The following DGKB variants were observed in gnomAD, a reference collection of about 807,000 sequenced individuals.
DGKB encodes 90 kDa diacylglycerol kinase.
DGKB carries 67 observed loss-of-function variants against 114.3 expected under a neutral mutation model. That is an observed-to-expected ratio of 0.59 (90% confidence interval 0.48 to 0.72). The LOEUF (loss-of-function observed/expected upper bound fraction) is 0.72. Among genes scored for constraint, DGKB ranks in the 30% least tolerant of loss-of-function variants. The pLI, the probability that DGKB is intolerant of heterozygous loss-of-function variation, is 0.00. For missense variants in DGKB, 907 were observed against 975.2 expected (o/e 0.93, Z 0.93); for synonymous variants, 398 against 323.1 (o/e 1.23, Z -2.49).
At chr7:14,771,333 TA>T (rs1284757754) in intron 2 of DGKB, among the ~76,000 whole-genome samples, 2 of 152,134 alleles carry the variant, frequency 1.3e-5, no homozygotes, top group Non-Finnish European at 2.9e-5. Context: ...CTGTACCCGG[TA>T]ACAGAAATAA....
At chr7:14,175,160 A>G (rs1033372452) in intron 25 of DGKB, among the ~76,000 whole-genome samples, 2 of 152,226 alleles carry the variant, frequency 1.3e-5, no homozygotes, top group African/African-American at 2.4e-5. Flanking sequence ...TTTTAGTTCC[A>G]TATCTACTTC....
intron 20 of DGKB, among the ~76,000 whole-genome samples, chr7:14,568,201 A>G (rs1797881367): frequency 6.6e-6 from 1 of 152,180 alleles, no homozygotes; most frequent in Admixed American, 6.5e-5. Context: ...TACCTGGTAC[A>G]TAGAAGGTAC....
intron 17 of DGKB, 53 bp from the exon 18 acceptor site, chr7:14,583,190 T>C: frequency 8.6e-7 from 1 of 1,159,908 alleles, no homozygotes; most frequent in Non-Finnish European, 1.2e-6. Context: ...AATAAGATGT[T>C]TTCAGTTTTG....
intron 25 of DGKB, among the ~76,000 whole-genome samples, chr7:14,156,838 C>T (rs1481806858): frequency 1.3e-5 from 2 of 152,116 alleles, no homozygotes; most frequent in South Asian, 4.1e-4. Flanking sequence ...AGAAATCATT[C>T]TGTGGAAATT....
chr7:14,229,664 C>T (rs1791405378), intron 23 of DGKB, among the ~76,000 whole-genome samples: 3 of 151,954 alleles, frequency 2.0e-5, no homozygotes, highest in Admixed American at 1.3e-4. Context: ...GAGAAAATTA[C>T]TGGGGTTAAT....
At chr7:14,385,551 C>T (rs1180841409) in intron 21 of DGKB, among the ~76,000 whole-genome samples, 1 of 152,186 alleles carries the variant, frequency 6.6e-6, no homozygotes, top group East Asian at 1.9e-4. Flanking sequence ...TTGGAGATTA[C>T]TACCTTTTAC....
chr7:14,237,941 T>G (rs1255819030), intron 23 of DGKB, among the ~76,000 whole-genome samples: 1 of 152,086 alleles, frequency 6.6e-6, no homozygotes, highest in Non-Finnish European at 1.5e-5. Context: ...AAAGGCCATT[T>G]ATATTACTAC....
At chr7:14,177,768 A>G (rs374592423) in intron 24 of DGKB, among the ~76,000 whole-genome samples, 2 of 152,126 alleles carry the variant, frequency 1.3e-5, no homozygotes, top group African/African-American at 4.8e-5. Flanking sequence ...ATAAATCATA[A>G]AATTTGTATG....
intron 17 of DGKB, among the ~76,000 whole-genome samples, chr7:14,599,837 C>G (rs1803230485): frequency 6.6e-6 from 1 of 151,922 alleles, no homozygotes; most frequent in Admixed American, 6.6e-5. Context: ...AGTTAACTGC[C>G]TGGGGCTGGA....
intron 4 of DGKB, among the ~76,000 whole-genome samples, chr7:14,748,439 T>C (rs1394844169): frequency 6.6e-6 from 1 of 152,186 alleles, no homozygotes; most frequent in Non-Finnish European, 1.5e-5. Context: ...TGCACATATT[T>C]GGAGAAAGCA....
intron 21 of DGKB, among the ~76,000 whole-genome samples, chr7:14,434,233 T>C (rs1418823417): frequency 3.3e-5 from 5 of 152,172 alleles, no homozygotes; most frequent in Non-Finnish European, 7.4e-5. Flanking sequence ...AAACCCTTTG[T>C]GTTAGGCAGA....
chr7:14,848,382 T>C (rs1038057326), intron 1 of DGKB, among the ~76,000 whole-genome samples: 3 of 152,194 alleles, frequency 2.0e-5, no homozygotes, highest in African/African-American at 7.2e-5. Context: ...CCAGGATTGA[T>C]GAGAACAGAA....
rs59367496 is a variant in DGKB, at chr7:14,845,106, C to CAAAAAAAAAAAAAAAA, written c.-187-3672_-187-3657dup. Among the ~76,000 whole-genome samples, 252 of 89,208 alleles carry CAAAAAAAAAAAAAAAA rather than the reference C, an allele frequency of 2.8e-3. 1 individual carries two copies. Among genetic ancestry groups the CAAAAAAAAAAAAAAAA allele is most frequent in the Non-Finnish European group, 4.7e-3 (211 of 45,254 alleles). 58.5% of individuals were successfully genotyped at this position (89,208 alleles called of 152,430 possible). On this transcript the variant is annotated intron_variant, in intron 1 of 25. Coordinates refer to ENST00000402815, the MANE Select transcript of DGKB (RefSeq NM_001350709.2). ...TCAGTGACAGAGCAAGGCCCTGTGTCAAAAAAAAAAAAAAAAAAAAAAAAA... is the reference window on the plus strand; with the variant it reads ...TCAGTGACAGAGCAAGGCCCTGTGTCAAAAAAAAAAAAAAAAAAAAAAAAAAAAAAAAAAAAAAAAA...
intron 1 of DGKB, among the ~76,000 whole-genome samples, chr7:14,910,242 AAAAGAAAG>A (rs61063816): frequency 0.18 from 19,884 of 109,402 alleles, 2,191 homozygotes; most frequent in Middle Eastern, 0.23. Context: ...CTCCATCAAA[AAAAGAAAG>A]AAAGAAAGAA....
chr7:14,331,583 A>C (rs984184745), intron 23 of DGKB, among the ~76,000 whole-genome samples: 4 of 152,140 alleles, frequency 2.6e-5, no homozygotes, highest in African/African-American at 9.7e-5. Flanking sequence ...TTTACAAGGT[A>C]TACAAAGTGT....
intron 17 of DGKB, among the ~76,000 whole-genome samples, chr7:14,587,189 A>G (rs11526189): frequency 0.33 from 49,984 of 151,942 alleles, 8,851 homozygotes; most frequent in East Asian, 0.68. Context: ...CATTAACAAG[A>G]GTTTGGAAGA....
At chr7:14,469,703 A>G (rs1285645402) in intron 21 of DGKB, among the ~76,000 whole-genome samples, 1 of 152,052 alleles carries the variant, frequency 6.6e-6, no homozygotes, top group Non-Finnish European at 1.5e-5. Context: ...CTACCTGCTC[A>G]GATCCAACAA....
chr7:14,708,771 G>T (rs2128327798), intron 6 of DGKB, among the ~76,000 whole-genome samples: 1 of 150,230 alleles, frequency 6.7e-6, no homozygotes, highest in East Asian at 2.0e-4. Context: ...TACGTAGAAA[G>T]CTGAAACTGG....
intron 13 of DGKB, among the ~76,000 whole-genome samples, chr7:14,665,273 T>G (rs1305421394): frequency 6.6e-6 from 1 of 151,908 alleles, no homozygotes; most frequent in African/African-American, 2.4e-5. Flanking sequence ...AGGAAACTAA[T>G]GTAGGAACAG....
Sources: gnomAD v4.1 joint callset for allele counts (sites outside exome capture counted in the v4.1 genomes callset) on GRCh38, gnomAD v4.1.1 for gene constraint, MANE v1.5 for transcripts, NCBI Gene and HGNC (gene_info 2026-07-23, HGNC 2026-07-21) for gene names.